Variants in FNBP1L observed in about 807,000 individuals in gnomAD.
FNBP1L encodes the protein formin binding protein 1 like.
In FNBP1L, 36 loss-of-function variants were observed where a neutral mutation model predicts 91.2. The ratio of observed to expected loss-of-function variants is 0.39; its 90% CI spans 0.30 to 0.52. The LOEUF (loss-of-function observed/expected upper bound fraction) is 0.52, where lower values mean the gene tolerates loss of function less well. Ranked by LOEUF, FNBP1L falls within the 20% of genes least tolerant of loss-of-function variation. The pLI, the probability that FNBP1L is intolerant of heterozygous loss-of-function variation, is 0.66. For synonymous variants in FNBP1L, 242 were observed against 237.0 expected (o/e 1.02, Z -0.19); for missense variants, 571 against 732.1 (o/e 0.78, Z 2.54).
At chr1:93,546,008 A>C (rs892104480) in intron 12 of FNBP1L, among the ~76,000 whole-genome samples, 1 of 152,156 alleles carries the variant, frequency 6.6e-6, no homozygotes, top group African/African-American at 2.4e-5. Context: ...TCTAGAATTC[A>C]GGAGAGAGAG....
intron 1 of FNBP1L, among the ~76,000 whole-genome samples, chr1:93,467,278 T>C (rs551704675): frequency 6.8e-4 from 103 of 152,348 alleles, no homozygotes; most frequent in Non-Finnish European, 1.3e-3. Flanking sequence ...CAAAATTTGT[T>C]ATACACATAC....
intron 1 of FNBP1L, among the ~76,000 whole-genome samples, chr1:93,495,307 TA>T (rs1382595281): frequency 6.6e-6 from 1 of 152,240 alleles, no homozygotes; most frequent in East Asian, 1.9e-4. Flanking sequence ...AAAGTAGTTA[TA>T]TTTAAAACTG....
rs185549231 is a variant in FNBP1L at position 93,495,503 on chromosome 1, A to G, written c.25-3965A>G. ...AACTAAAGCAGGAAGTCCACAGAAT[A>G]TTAAGTTATATTTTTATTATGGTTA... On this transcript the variant is annotated intron_variant, in intron 1 of 16. Coordinates refer to ENST00000271234, the MANE Select transcript of FNBP1L (RefSeq NM_001164473.3). Among the ~76,000 whole-genome samples the G allele has an allele frequency of 2.4e-3, 361 of 152,376 alleles. 1 individual carries two copies. Among genetic ancestry groups the G allele is most frequent in the African/African-American group, 8.2e-3 (343 of 41,592 alleles).
rs1570885207 is a variant in FNBP1L, at chr1:93,554,195, G to T, written c.*1779G>T. 8 of 152,756 alleles carry T rather than the reference G, an allele frequency of 5.2e-5. No individual in the cohort carries two copies. In the South Asian group the frequency reaches 1.7e-3, roughly 32 times the overall value. 9.5% of individuals were successfully genotyped at this position (152,756 alleles called of 1,614,324 possible). On this transcript the variant is annotated 3_prime_UTR_variant, in exon 17 of 17. Coordinates refer to ENST00000271234, the MANE Select transcript of FNBP1L (RefSeq NM_001164473.3). ...CAGTACTGACAGACTACATGAAGTA[G>T]TTTTAAAATCTAGTGCTATTTTTAT...
chr1:93,547,311 A>T (rs910109809), intron 13 of FNBP1L, 36 bp from the exon 14 acceptor site: 9 of 1,419,594 alleles, frequency 6.3e-6, no homozygotes, highest in Non-Finnish European at 8.7e-6. Flanking sequence ...AAACATATTT[A>T]TTGAGCTCAG....
chr1:93,526,829 G>A (rs1464779078), intron 5 of FNBP1L, among the ~76,000 whole-genome samples: 1 of 152,074 alleles, frequency 6.6e-6, no homozygotes, highest in African/African-American at 2.4e-5. Context: ...GAATTATTAG[G>A]TAGGTGTTTT....
intron 1 of FNBP1L, among the ~76,000 whole-genome samples, chr1:93,477,022 G>C (rs1186227116): frequency 6.6e-6 from 1 of 152,094 alleles, no homozygotes; most frequent in Non-Finnish European, 1.5e-5. Flanking sequence ...GTCTATATTT[G>C]AACACAGGCA....
intron 5 of FNBP1L, among the ~76,000 whole-genome samples, chr1:93,528,510 G>A (rs1327844756): frequency 6.6e-6 from 1 of 152,148 alleles, no homozygotes; most frequent in Non-Finnish European, 1.5e-5. Context: ...TTTTAGCCAT[G>A]GAGATTCAGT....
At chr1:93,509,573 A>C (rs1670748227) in intron 2 of FNBP1L, among the ~76,000 whole-genome samples, 1 of 152,248 alleles carries the variant, frequency 6.6e-6, no homozygotes, top group Non-Finnish European at 1.5e-5. Flanking sequence ...CAATGTTTAA[A>C]ATGTTGATAT....
intron 2 of FNBP1L, among the ~76,000 whole-genome samples, chr1:93,499,930 A>G (rs745741263): frequency 6.6e-6 from 1 of 152,168 alleles, no homozygotes; most frequent in Non-Finnish European, 1.5e-5. Flanking sequence ...AAAGTATTGA[A>G]TATTTCTTCA....
chr1:93,496,130 A>C (rs1013098985), intron 1 of FNBP1L, among the ~76,000 whole-genome samples: 2 of 152,160 alleles, frequency 1.3e-5, no homozygotes, highest in Non-Finnish European at 2.9e-5. Context: ...CCTTCAACTG[A>C]TTAGATGAGG....
At chr1:93,474,313 A>G (rs11164938) in intron 1 of FNBP1L, among the ~76,000 whole-genome samples, 72,464 of 152,090 alleles carry the variant, frequency 0.48, 20,678 homozygotes, top group Non-Finnish European at 0.62. Context: ...CGACTGAACC[A>G]AAGGATAAGT....
At chr1:93,547,559 C>G in intron 14 of FNBP1L, 118 bp downstream of exon 14, 1 of 800,740 alleles carries the variant, frequency 1.2e-6, no homozygotes, top group Non-Finnish European at 2.0e-6. Context: ...TTTTAGTAAC[C>G]TCAGTCTTTT....
At chr1:93,519,170 T>C (rs747934049) in intron 2 of FNBP1L, among the ~76,000 whole-genome samples, 8 of 152,248 alleles carry the variant, frequency 5.3e-5, no homozygotes, top group Admixed American at 1.3e-4. Context: ...TAATAACCAC[T>C]GGTCAAGAGT....
intron 14 of FNBP1L, 126 bp from the exon 15 acceptor site, chr1:93,549,152 C>A: frequency 1.5e-6 from 1 of 645,392 alleles, no homozygotes; most frequent in Non-Finnish European, 2.3e-6. Context: ...AAAAATAGGG[C>A]TTAAGTGGAA....
intron 11 of FNBP1L, 106 bp from the exon 12 acceptor site, chr1:93,544,001 G>A: frequency 1.4e-6 from 1 of 734,738 alleles, no homozygotes; most frequent in Non-Finnish European, 2.0e-6. Context: ...AGGCAAATTT[G>A]AAATTAAACT....
chr1:93,495,164 A>G (rs1204164151), intron 1 of FNBP1L, among the ~76,000 whole-genome samples: 7 of 152,240 alleles, frequency 4.6e-5, no homozygotes, highest in Non-Finnish European at 1.0e-4. Context: ...CTTAGGCCAC[A>G]TGGAAAAATA....
At chr1:93,539,839 C>CA (rs1440432364) in intron 10 of FNBP1L, among the ~76,000 whole-genome samples, 1 of 152,092 alleles carries the variant, frequency 6.6e-6, no homozygotes, top group Non-Finnish European at 1.5e-5. Flanking sequence ...AATGCATAAG[C>CA]AGTGACCAAC....
Position 93,517,300 on chromosome 1 carries a change from C to T in FNBP1L, c.141-4782C>T, listed in dbSNP as rs78240280. ...CCTCAAATGATCTGTCTGCCTTGGC[C>T]TCCCAAAATGTCTTAAGTGTCTTCT... On this transcript the variant is annotated intron_variant, in intron 2 of 16. Transcript: ENST00000271234. 1.2e-4 allele frequency among the ~76,000 whole-genome samples: 18 copies of T among 152,096 alleles called. No homozygotes were observed. The East Asian group carries it at 2.9e-3, about 25-fold the overall frequency.
Sources: gnomAD v4.1 joint callset for allele counts (sites outside exome capture counted in the v4.1 genomes callset) on GRCh38, gnomAD v4.1.1 for gene constraint, MANE v1.5 for transcripts, NCBI Gene and HGNC (gene_info 2026-07-23, HGNC 2026-07-21) for gene names.